AUTS2: variants seen among roughly 807,000 people sequenced by gnomAD.
The protein encoded by AUTS2 is activator of transcription and developmental regulator AUTS2, also known as autism susceptibility gene 2 protein.
Under a neutral mutation model 112.4 loss-of-function variants are expected in AUTS2, and 17 were observed. That is an observed-to-expected ratio of 0.15 (90% CI 0.10 to 0.23). The LOEUF is 0.23. Among genes scored for constraint, AUTS2 ranks in the 10% least tolerant of loss-of-function variants. The pLI, the probability that AUTS2 is intolerant of heterozygous loss-of-function variation, is 1.00. For missense variants in AUTS2, 1,510 were observed against 1,701.6 expected (o/e 0.89, Z 1.98); for synonymous variants, 751 against 702.7 (o/e 1.07, Z -1.09).
At chr7:70,609,719 G>A (rs1270960016) in intron 5 of AUTS2, among the ~76,000 whole-genome samples, 2 of 151,764 alleles carry the variant, frequency 1.3e-5, no homozygotes, top group Admixed American at 6.6e-5. Flanking sequence ...GAGCCACCAC[G>A]CCCGGCCAGG....
At chr7:70,228,920 A>G (rs1304982417) in intron 4 of AUTS2, among the ~76,000 whole-genome samples, 2 of 151,858 alleles carry the variant, frequency 1.3e-5, no homozygotes, top group Non-Finnish European at 2.9e-5. Context: ...TACTGTTTCC[A>G]TTACTCTTCA....
intron 6 of AUTS2, among the ~76,000 whole-genome samples, chr7:70,721,158 T>C (rs915735055): frequency 2.6e-5 from 4 of 151,972 alleles, no homozygotes; most frequent in Non-Finnish European, 4.4e-5. Flanking sequence ...GCTCCTGATA[T>C]ACGTTCTCTC....
chr7:70,613,740 G>A (rs1410011860), intron 5 of AUTS2, among the ~76,000 whole-genome samples: 1 of 152,212 alleles, frequency 6.6e-6, no homozygotes, highest in Non-Finnish European at 1.5e-5. Context: ...ATGGAACAAA[G>A]CAAGATCCAT....
intron 1 of AUTS2, among the ~76,000 whole-genome samples, chr7:69,711,515 T>C (rs1798324324): frequency 2.0e-5 from 3 of 152,182 alleles, no homozygotes; most frequent in Admixed American, 2.0e-4. Flanking sequence ...CCACTGTGGT[T>C]CTCTGGACAT....
intron 5 of AUTS2, among the ~76,000 whole-genome samples, chr7:70,602,417 G>A (rs1803522308): frequency 6.6e-6 from 1 of 152,282 alleles, no homozygotes; most frequent in Admixed American, 6.5e-5. Context: ...CTTACAGGTT[G>A]CTAAGGATTA....
intron 5 of AUTS2, among the ~76,000 whole-genome samples, chr7:70,556,460 T>C (rs1284425232): frequency 2.0e-5 from 3 of 152,212 alleles, no homozygotes; most frequent in African/African-American, 7.2e-5. Flanking sequence ...TTCATACTCA[T>C]AAGGACTGGG....
At chr7:69,667,791 G>A (rs1402714183) in intron 1 of AUTS2, among the ~76,000 whole-genome samples, 2 of 152,148 alleles carry the variant, frequency 1.3e-5, no homozygotes, top group South Asian at 2.1e-4. Context: ...ATCCAGTAGC[G>A]GCAATTACCA....
intron 5 of AUTS2, among the ~76,000 whole-genome samples, chr7:70,639,911 T>C (rs973647328): frequency 2.0e-5 from 3 of 152,316 alleles, no homozygotes; most frequent in Middle Eastern, 3.4e-3. Context: ...GCACTGCTTG[T>C]GCAATCACAG....
At chr7:70,495,539 A>G (rs1649174752) in intron 5 of AUTS2, among the ~76,000 whole-genome samples, 4 of 151,770 alleles carry the variant, frequency 2.6e-5, no homozygotes, top group Admixed American at 2.6e-4. Flanking sequence ...CACCCTACAC[A>G]TAGACACACA....
At chr7:69,752,325 T>G (rs1787773088) in intron 1 of AUTS2, among the ~76,000 whole-genome samples, 1 of 152,234 alleles carries the variant, frequency 6.6e-6, no homozygotes, top group African/African-American at 2.4e-5. Context: ...AGATGGGGCC[T>G]AGAGTCTCTC....
chr7:70,033,000 G>T (rs1234914313), intron 2 of AUTS2, among the ~76,000 whole-genome samples: 2 of 152,292 alleles, frequency 1.3e-5, no homozygotes, highest in Middle Eastern at 3.4e-3. Context: ...GAGATGGAAA[G>T]TTGGAAAGTA....
At chr7:70,769,904 A>G (rs1242184345) in intron 10 of AUTS2, among the ~76,000 whole-genome samples, 1 of 152,156 alleles carries the variant, frequency 6.6e-6, no homozygotes, top group Non-Finnish European at 1.5e-5. Context: ...CTATATTTAT[A>G]TTCTAAGAGG....
chr7:70,164,622 A>G (rs1380656518), intron 4 of AUTS2, among the ~76,000 whole-genome samples: 2 of 152,198 alleles, frequency 1.3e-5, no homozygotes, highest in African/African-American at 4.8e-5. Context: ...ATGTCACAGC[A>G]GTCTATCAGA....
chr7:70,321,129 G>A (rs1278928239), intron 4 of AUTS2, among the ~76,000 whole-genome samples: 1 of 152,206 alleles, frequency 6.6e-6, no homozygotes, highest in Non-Finnish European at 1.5e-5. Flanking sequence ...TTGTGAGATA[G>A]GTAGTATTAT....
chr7:70,492,570 A>G (rs1798293072), intron 5 of AUTS2, among the ~76,000 whole-genome samples: 1 of 152,170 alleles, frequency 6.6e-6, no homozygotes, highest in Non-Finnish European at 1.5e-5. Context: ...TATTTTCTCT[A>G]GAAACAAAAG....
intron 2 of AUTS2, among the ~76,000 whole-genome samples, chr7:69,927,647 G>A (rs1423613978): frequency 6.6e-6 from 1 of 152,230 alleles, no homozygotes; most frequent in African/African-American, 2.4e-5. Flanking sequence ...CACATGCAGA[G>A]TGGCAAGGAT....
At chr7:70,344,603 C>T (rs1791411190) in intron 4 of AUTS2, among the ~76,000 whole-genome samples, 1 of 152,154 alleles carries the variant, frequency 6.6e-6, no homozygotes, top group African/African-American at 2.4e-5. Flanking sequence ...TCTCTAAATT[C>T]AGTGACCTTA....
intron 5 of AUTS2, among the ~76,000 whole-genome samples, chr7:70,599,023 G>A (rs907776271): frequency 6.6e-6 from 1 of 152,158 alleles, no homozygotes; most frequent in Admixed American, 6.5e-5. Flanking sequence ...AAAGATGGTG[G>A]CCACCACCCT....
At chr7:70,456,119 C>G (rs1447187507) in intron 5 of AUTS2, among the ~76,000 whole-genome samples, 2 of 152,104 alleles carry the variant, frequency 1.3e-5, no homozygotes, top group Admixed American at 6.5e-5. Context: ...CTTTAAAAAC[C>G]CTCAACTTCC....
Sources: allele counts gnomAD v4.1 joint callset (sites outside exome capture counted in the v4.1 genomes callset), GRCh38; gene constraint gnomAD v4.1.1; transcripts MANE v1.5; gene names NCBI Gene and HGNC (gene_info 2026-07-23, HGNC 2026-07-21).